PTPRT: variants seen among roughly 807,000 people sequenced by gnomAD.
PTPRT encodes receptor-type tyrosine-protein phosphatase T.
A neutral mutation model predicts 176.8 loss-of-function variants in PTPRT; 56 were observed. That is an observed-to-expected ratio of 0.32 (90% CI 0.26 to 0.40). The LOEUF is 0.40. Among genes scored for constraint, PTPRT ranks in the 10% least tolerant of loss-of-function variants. The pLI, the probability that PTPRT is intolerant of heterozygous loss-of-function variation, is 1.00. For synonymous variants in PTPRT, 783 were observed against 739.0 expected, an observed-to-expected ratio of 1.06 and a Z score of -0.96; for missense variants, 1,540 against 1,908.2, an observed-to-expected ratio of 0.81 and a Z score of 3.60.
chr20:42,475,045 T>A (rs2071266060), intron 7 of PTPRT, among the ~76,000 whole-genome samples: 1 of 152,142 alleles, frequency 6.6e-6, no homozygotes, highest in Non-Finnish European at 1.5e-5. Context: ...ATGTACCATA[T>A]CTCATGTTAA....
intron 16 of PTPRT, among the ~76,000 whole-genome samples, chr20:42,173,274 C>A (rs945348957): frequency 9.9e-5 from 15 of 152,228 alleles, no homozygotes; most frequent in Admixed American, 8.5e-4. Context: ...TTCAGAGATT[C>A]TTCTATGTGT....
chr20:43,124,709 T>C (rs1175591176), intron 1 of PTPRT, among the ~76,000 whole-genome samples: 1 of 152,216 alleles, frequency 6.6e-6, no homozygotes, highest in Non-Finnish European at 1.5e-5. Flanking sequence ...GGCACCTTTC[T>C]ACATCCGTGT....
intron 9 of PTPRT, among the ~76,000 whole-genome samples, chr20:42,364,395 A>G (rs1330909632): frequency 6.6e-6 from 1 of 152,218 alleles, no homozygotes; most frequent in East Asian, 1.9e-4. Context: ...TGGAGACTAC[A>G]CCATCAATTC....
intron 1 of PTPRT, among the ~76,000 whole-genome samples, chr20:43,041,960 C>CGAAA (rs1986624931): frequency 6.6e-6 from 1 of 152,160 alleles, no homozygotes; most frequent in Admixed American, 6.5e-5. Flanking sequence ...TCACTCAAAT[C>CGAAA]GAAAGAGAAC....
intron 15 of PTPRT, among the ~76,000 whole-genome samples, chr20:42,220,776 A>C (rs1372101933): frequency 6.6e-6 from 1 of 152,196 alleles, no homozygotes; most frequent in Non-Finnish European, 1.5e-5. Flanking sequence ...CAAAAACGTT[A>C]AGAGACAAAA....
At chr20:42,985,039 G>C (rs1299320988) in intron 1 of PTPRT, among the ~76,000 whole-genome samples, 1 of 152,198 alleles carries the variant, frequency 6.6e-6, no homozygotes, top group African/African-American at 2.4e-5. Flanking sequence ...CATGAAGATT[G>C]AGTGAATATG....
chr20:42,901,109 C>G (rs969601460), intron 1 of PTPRT, among the ~76,000 whole-genome samples: 2 of 152,214 alleles, frequency 1.3e-5, no homozygotes, highest in African/African-American at 4.8e-5. Flanking sequence ...ACCTGTTTCT[C>G]TGTTTGATCA....
intron 1 of PTPRT, among the ~76,000 whole-genome samples, chr20:43,108,317 G>A (rs1314370584): frequency 4.6e-5 from 7 of 152,168 alleles, no homozygotes; most frequent in Non-Finnish European, 8.8e-5. Flanking sequence ...TGGACAATCT[G>A]GTTGATAGTT....
intron 1 of PTPRT, among the ~76,000 whole-genome samples, chr20:43,040,444 A>G (rs1479466041): frequency 6.6e-6 from 1 of 152,270 alleles, no homozygotes; most frequent in Non-Finnish European, 1.5e-5. Flanking sequence ...TACTTATAAA[A>G]CAATAAATAT....
intron 7 of PTPRT, among the ~76,000 whole-genome samples, chr20:42,485,332 G>C (rs746197167): frequency 1.3e-5 from 2 of 152,094 alleles, no homozygotes; most frequent in Admixed American, 1.3e-4. Context: ...AAGAAAAGCT[G>C]GAGAAAGAAT....
In PTPRT at chr20:42,442,557, G is replaced by A. The variant is rs138800618; in HGVS notation, c.1560+5663C>T. 2.4e-3 allele frequency among the ~76,000 whole-genome samples: 363 copies of A among 152,226 alleles called. 2 individuals are homozygous for A. The highest frequency in any genetic ancestry group is 7.9e-3 in the African/African-American group (328 of 41,542). On this transcript the variant is annotated intron_variant, in intron 9 of 30. Coordinates refer to ENST00000373187, the MANE Select transcript of PTPRT (RefSeq NM_007050.6). ...CTTCTCATTCCCTTTAAGCTTCTCAGATTTATACACTGTAATTAGAAACTT... is the reference window on the plus strand; with the variant it reads ...CTTCTCATTCCCTTTAAGCTTCTCAAATTTATACACTGTAATTAGAAACTT...
At chr20:43,028,943 T>C (rs1986027992) in intron 1 of PTPRT, among the ~76,000 whole-genome samples, 1 of 151,878 alleles carries the variant, frequency 6.6e-6, no homozygotes, top group Admixed American at 6.6e-5. Context: ...CTTCTCAGAG[T>C]CAATTCTTTA....
chr20:43,042,457 G>A (rs1182345054), intron 1 of PTPRT, among the ~76,000 whole-genome samples: 3 of 152,138 alleles, frequency 2.0e-5, no homozygotes, highest in African/African-American at 7.2e-5. Flanking sequence ...GGCTCCTGGG[G>A]ATAGCAGATC....
chr20:42,844,324 G>A lies in PTPRT; in HGVS notation c.214+41483C>T, dbSNP rs208258. Among the ~76,000 whole-genome samples the A allele has an allele frequency of 1.9e-3, 294 of 152,250 alleles. 2 individuals carry two copies. The highest frequency in any genetic ancestry group is 6.9e-3 in the African/African-American group (286 of 41,546). Reference sequence around the variant, plus strand: ...GGAGGCAAGCCTACCAAATTCAAAAGGCATGAAGAGAAAAATGAGAACTCC... The same window carrying A: ...GGAGGCAAGCCTACCAAATTCAAAAAGCATGAAGAGAAAAATGAGAACTCC... On this transcript the variant is annotated intron_variant, in intron 2 of 30. Transcript: ENST00000373187.
intron 13 of PTPRT, among the ~76,000 whole-genome samples, chr20:42,277,406 C>A (rs561178694): frequency 6.6e-6 from 1 of 152,344 alleles, no homozygotes; most frequent in East Asian, 1.9e-4. Flanking sequence ...GTTCCCTTGA[C>A]GGCTGGCGCT....
At chr20:42,802,628 T>A (rs1476393396) in intron 2 of PTPRT, among the ~76,000 whole-genome samples, 2 of 152,242 alleles carry the variant, frequency 1.3e-5, no homozygotes, top group African/African-American at 4.8e-5. Flanking sequence ...AACGTAAAGG[T>A]ATTTTTTTCT....
At chr20:42,351,693 C>A (rs1188267891) in intron 10 of PTPRT, among the ~76,000 whole-genome samples, 1 of 25,002 alleles carries the variant, frequency 4.0e-5, no homozygotes, top group Non-Finnish European at 7.0e-5. Context: ...GTAATTCATT[C>A]ATTCATTCAT....
At chr20:42,849,542 A>G (rs1483125206) in intron 2 of PTPRT, among the ~76,000 whole-genome samples, 3 of 152,166 alleles carry the variant, frequency 2.0e-5, no homozygotes, top group Non-Finnish European at 4.4e-5. Flanking sequence ...TAGGGTAGCC[A>G]AAACCCATAG....
chr20:42,142,348 G>A (rs1241884803), intron 17 of PTPRT, among the ~76,000 whole-genome samples: 1 of 152,182 alleles, frequency 6.6e-6, no homozygotes, highest in Non-Finnish European at 1.5e-5. Flanking sequence ...TAGGGATATA[G>A]AGAAACAGAC....
Sources: gnomAD v4.1 joint callset for allele counts (sites outside exome capture counted in the v4.1 genomes callset) on GRCh38, gnomAD v4.1.1 for gene constraint, MANE v1.5 for transcripts, NCBI Gene and HGNC (gene_info 2026-07-23, HGNC 2026-07-21) for gene names.